Variants in CCDC178 observed in about 807,000 individuals in gnomAD.
CCDC178 encodes coiled-coil domain containing 178.
In CCDC178, 126 loss-of-function variants were observed where a neutral mutation model predicts 117.4. The ratio of observed to expected loss-of-function variants is 1.07; its 90% CI spans 0.93 to 1.24. The LOEUF (loss-of-function observed/expected upper bound fraction) is 1.24. Ranked by LOEUF, CCDC178 falls within the 50% of genes most tolerant of loss-of-function variation. CCDC178 has a pLI of 0.00. For synonymous variants in CCDC178, 283 were observed against 313.4 expected (o/e 0.90, Z 1.02); for missense variants, 1,030 against 986.9 (o/e 1.04, Z -0.59).
intron 2 of CCDC178, among the ~76,000 whole-genome samples, chr18:33,426,545 C>CTA (rs933727066): frequency 6.6e-6 from 1 of 152,206 alleles, no homozygotes; most frequent in African/African-American, 2.4e-5. Context: ...CCACACCAGT[C>CTA]ATTAAGACAA....
chr18:33,389,739 G>C, intron 4 of CCDC178, 110 bp from the exon 5 acceptor site: 16 of 412,710 alleles, frequency 3.9e-5, no homozygotes, highest in East Asian at 4.0e-5. Context: ...CTCCTTAAAA[G>C]AAAAACAACT....
intron 18 of CCDC178, among the ~76,000 whole-genome samples, chr18:33,220,261 T>C (rs1253248670): frequency 6.6e-6 from 1 of 152,066 alleles, no homozygotes; most frequent in Admixed American, 6.6e-5. Flanking sequence ...ATGCACCGAT[T>C]ACTGTACTAT....
intron 21 of CCDC178, among the ~76,000 whole-genome samples, chr18:33,051,839 T>C (rs2056753176): frequency 6.6e-6 from 1 of 152,196 alleles, no homozygotes; most frequent in Admixed American, 6.5e-5. Context: ...GGCACGAGCA[T>C]TTTTAATCAA....
intron 8 of CCDC178, among the ~76,000 whole-genome samples, chr18:33,348,278 G>A (rs2062923718): frequency 1.3e-5 from 2 of 151,812 alleles, no homozygotes; most frequent in East Asian, 3.9e-4. Context: ...GGTAGGGGAA[G>A]AGGAGGTACT....
At chr18:33,183,720 C>A (rs1195273718) in intron 20 of CCDC178, among the ~76,000 whole-genome samples, 1 of 151,856 alleles carries the variant, frequency 6.6e-6, no homozygotes, top group African/African-American at 2.4e-5. Flanking sequence ...CAGCTCTGCT[C>A]CCCCCACACA....
At chr18:33,419,128 T>C (rs998873590) in intron 2 of CCDC178, among the ~76,000 whole-genome samples, 1 of 151,952 alleles carries the variant, frequency 6.6e-6, no homozygotes, top group Non-Finnish European at 1.5e-5. Flanking sequence ...AGCCCAGAAA[T>C]AAAGCTGCAC....
At chr18:33,181,205 A>T (rs1355299082) in intron 20 of CCDC178, among the ~76,000 whole-genome samples, 1 of 151,968 alleles carries the variant, frequency 6.6e-6, no homozygotes, top group Non-Finnish European at 1.5e-5. Context: ...TTCATCCTGT[A>T]AGTTTGCTAT....
At position 33,416,358 on chromosome 18, in the gene CCDC178, C is replaced by A. The variant is rs372512724; in HGVS notation, c.-22-4248G>T. Among the ~76,000 whole-genome samples the A allele has an allele frequency of 2.0e-5, 3 of 151,172 alleles. No individual in the cohort carries two copies. The South Asian group carries it at 6.3e-4, about 32-fold the overall frequency. On this transcript the variant is annotated intron_variant, in intron 2 of 22. Coordinates refer to ENST00000383096, the MANE Select transcript of CCDC178 (RefSeq NM_001105528.4). ...AGGAGAATGGCGTGAACCCAGACGG[C>A]GGAGCTTGCGGTGAGCAGAGATCGC...
intron 15 of CCDC178, among the ~76,000 whole-genome samples, chr18:33,231,424 T>C (rs982438542): frequency 6.6e-6 from 1 of 152,192 alleles, no homozygotes; most frequent in Non-Finnish European, 1.5e-5. Context: ...TGGGGCTCAA[T>C]GACATATACC....
intron 2 of CCDC178, among the ~76,000 whole-genome samples, chr18:33,423,148 G>T (rs2144940027): frequency 6.6e-6 from 1 of 152,040 alleles, no homozygotes; most frequent in African/African-American, 2.4e-5. Flanking sequence ...AAATAACGTT[G>T]TACCCTATAA....
intron 20 of CCDC178, among the ~76,000 whole-genome samples, chr18:33,130,941 T>C (rs2058063734): frequency 6.6e-6 from 1 of 151,878 alleles, no homozygotes; most frequent in African/African-American, 2.4e-5. Context: ...ATTTAAATAT[T>C]TATTTAACAT....
chr18:33,034,525 C>G (rs1264083270), intron 21 of CCDC178, among the ~76,000 whole-genome samples: 1 of 151,944 alleles, frequency 6.6e-6, no homozygotes, highest in African/African-American at 2.4e-5. Flanking sequence ...TTTGCTGCTG[C>G]TTTTTGTTTC....
intron 20 of CCDC178, among the ~76,000 whole-genome samples, chr18:33,117,687 G>C (rs545703966): frequency 4.0e-5 from 6 of 151,370 alleles, no homozygotes; most frequent in Admixed American, 6.6e-5. Flanking sequence ...AAACCTGCAC[G>C]TTGTGCACAT....
chr18:33,430,079 T>A (rs2064187543), intron 2 of CCDC178, among the ~76,000 whole-genome samples: 1 of 152,218 alleles, frequency 6.6e-6, no homozygotes, highest in Non-Finnish European at 1.5e-5. Context: ...TCATTTCAGA[T>A]ATATCTGTAT....
chr18:33,024,669 G>A (rs1338471051), intron 21 of CCDC178, among the ~76,000 whole-genome samples: 2 of 151,192 alleles, frequency 1.3e-5, no homozygotes, highest in African/African-American at 4.9e-5. Context: ...TTTGAGATGG[G>A]GTGTTGCTCT....
intron 3 of CCDC178, among the ~76,000 whole-genome samples, chr18:33,411,465 C>T (rs2063852796): frequency 6.6e-6 from 1 of 152,098 alleles, no homozygotes; most frequent in Non-Finnish European, 1.5e-5. Flanking sequence ...CTATAATTTA[C>T]TGACCTCTGT....
intron 20 of CCDC178, among the ~76,000 whole-genome samples, chr18:33,093,353 T>C (rs2057496024): frequency 6.6e-6 from 1 of 151,988 alleles, no homozygotes; most frequent in Non-Finnish European, 1.5e-5. Context: ...TTCATCTCCA[T>C]GAAGTTCAGA....
At chr18:33,399,690 T>C (rs577877392) in intron 3 of CCDC178, among the ~76,000 whole-genome samples, 2 of 152,146 alleles carry the variant, frequency 1.3e-5, no homozygotes, top group Admixed American at 1.3e-4. Context: ...GAATTCCAGT[T>C]CTCTTGCTCT....
At chr18:33,264,349 A>T (rs9957976) in intron 14 of CCDC178, among the ~76,000 whole-genome samples, 10,247 of 152,056 alleles carry the variant, frequency 0.067, 515 homozygotes, top group African/African-American at 0.14. Context: ...CTTTGTCCTG[A>T]GTTTTAATCT....
Sources: allele counts gnomAD v4.1 joint callset (sites outside exome capture counted in the v4.1 genomes callset), GRCh38; gene constraint gnomAD v4.1.1; transcripts MANE v1.5; gene names NCBI Gene and HGNC (gene_info 2026-07-23, HGNC 2026-07-21).